ATXN2: variants seen among roughly 807,000 people sequenced by gnomAD.
ATXN2 encodes ataxin 2, also known as ataxin-2.
In ATXN2, 37 loss-of-function variants were observed where a neutral mutation model predicts 138.6. The observed-to-expected ratio is 0.27, with a 90% CI of 0.21 to 0.35. ATXN2 has a LOEUF of 0.35. Ranked by LOEUF, ATXN2 falls within the 10% of genes least tolerant of loss-of-function variation. The pLI, the probability that ATXN2 is intolerant of heterozygous loss-of-function variation, is 1.00. For synonymous variants in ATXN2, 549 were observed against 543.7 expected, an observed-to-expected ratio of 1.01 and a Z score of -0.13; for missense variants, 1,216 against 1,480.3, an observed-to-expected ratio of 0.82 and a Z score of 2.93.
chr12:111,568,602 T>C (rs924970557), intron 1 of ATXN2, among the ~76,000 whole-genome samples: 14 of 152,218 alleles, frequency 9.2e-5, no homozygotes, highest in Non-Finnish European at 1.5e-4. Context: ...AAGAATGCTC[T>C]TCCCTCCAGC....
chr12:111,460,686 CAATA>C (rs1259687790), intron 21 of ATXN2, among the ~76,000 whole-genome samples: 2 of 151,252 alleles, frequency 1.3e-5, no homozygotes, highest in Non-Finnish European at 2.9e-5. Flanking sequence ...TAAAAAGTAA[CAATA>C]AATATAGAAA....
chr12:111,563,989 A>G (rs1320130200), intron 1 of ATXN2, among the ~76,000 whole-genome samples: 2 of 152,188 alleles, frequency 1.3e-5, no homozygotes, highest in African/African-American at 4.8e-5. Flanking sequence ...GCTTCTGTGA[A>G]AATCAGAAAA....
intron 14 of ATXN2, among the ~76,000 whole-genome samples, chr12:111,494,411 C>G (rs1294996221): frequency 6.6e-6 from 1 of 151,230 alleles, no homozygotes; most frequent in Non-Finnish European, 1.5e-5. Context: ...TTATTTGCAA[C>G]CCTTATGTGA....
chr12:111,514,181 T>C (rs1488444329), intron 10 of ATXN2, among the ~76,000 whole-genome samples: 1 of 152,244 alleles, frequency 6.6e-6, no homozygotes, highest in East Asian at 1.9e-4. Context: ...TAGCAGGCTG[T>C]GAGCTGAAAA....
Position 111,485,794 on chromosome 12 carries a change from T to C in ATXN2, c.2376A>G (p.Gln792=), listed in dbSNP as rs1877596350. 6.2e-7 allele frequency: 1 copy of C among 1,614,088 alleles called. No individual in the cohort carries two copies. Among genetic ancestry groups the C allele is most frequent in the Non-Finnish European group, 8.5e-7 (1 of 1,180,036 alleles). Residue 792 remains glutamine (Q), a synonymous_variant, in exon 17 of 25, where the codon CAA becomes CAG. Transcript: ENST00000673436. ...AQPSPSMVGH[Q]QPTPVYTQPV... ...GCTGAGTATAAACTGGAGTTGGCTGTTGATGACCCACCATAGATGGGCTAG... is the reference window on the plus strand; with the variant it reads ...GCTGAGTATAAACTGGAGTTGGCTGCTGATGACCCACCATAGATGGGCTAG...
At chr12:111,486,656 A>G in intron 16 of ATXN2, 105 bp downstream of exon 16, 1 of 902,752 alleles carries the variant, frequency 1.1e-6, no homozygotes, top group South Asian at 1.5e-5. Flanking sequence ...AGGTTGGTTC[A>G]GCACACTAAA....
chr12:111,598,773 C>T lies in ATXN2; in HGVS notation c.251+11G>A. ...GCCCGGAGCGGAGGGGGCTGGGGTG[C>T]CGACACCCACCTGCCCAGGCCGGGC... On this transcript the variant is annotated intron_variant, in intron 1 of 24. Transcript: ENST00000673436. This position sits in a 1 kb window ranked among gnomAD's most constrained non-coding sequence, Gnocchi z 4.5. 3 of 1,297,638 alleles carry T rather than the reference C, an allele frequency of 2.3e-6. No homozygotes were observed. The highest frequency in any genetic ancestry group is 6.8e-5 in the East Asian group (2 of 29,594). The allele number at this position is 1,297,638 out of a possible 1,614,324, so 80.4% of individuals were successfully genotyped here.
intron 1 of ATXN2, among the ~76,000 whole-genome samples, chr12:111,592,829 A>G (rs931945788): frequency 2.7e-5 from 4 of 146,472 alleles, no homozygotes; most frequent in Non-Finnish European, 6.0e-5. Context: ...CTGTTAATAA[A>G]CTGTTTACAT....
In ATXN2 at chr12:111,486,824, C is replaced by T. The variant is rs762096343; in HGVS notation, c.2241G>A (p.Glu747=). Residue 747 remains glutamate (E), a splice_region_variant and synonymous_variant, in exon 16 of 25, where the codon GAG becomes GAA. Coordinates refer to ENST00000673436, the MANE Select transcript of ATXN2 (RefSeq NM_001372574.1). The stretch of plus-strand genomic sequence containing the variant: ...GATTCAATGTTGATTTCCTAACTTG[C>T]CTAAAAAAAATATAAAGGCCAGTGA... ...DDKEEKKDAA[E]QVRKSTLNPN... The T allele has an allele frequency of 1.1e-5, 18 of 1,610,494 alleles. No individual in the cohort carries two copies. The South Asian group carries it at 1.7e-4, about 15-fold the overall frequency.
intron 1 of ATXN2, among the ~76,000 whole-genome samples, chr12:111,571,007 G>A (rs1180328218): frequency 6.6e-6 from 1 of 152,190 alleles, no homozygotes; most frequent in Non-Finnish European, 1.5e-5. Flanking sequence ...AAAAGTTACT[G>A]AGCACTTATT....
At chr12:111,585,206 T>C (rs1274953320) in intron 1 of ATXN2, among the ~76,000 whole-genome samples, 2 of 152,066 alleles carry the variant, frequency 1.3e-5, no homozygotes, top group Non-Finnish European at 2.9e-5. Context: ...GATATACAGC[T>C]ATAAACTTAC....
intron 1 of ATXN2, among the ~76,000 whole-genome samples, chr12:111,559,693 A>G (rs1435585320): frequency 1.3e-5 from 2 of 151,282 alleles, no homozygotes; most frequent in African/African-American, 4.9e-5. Context: ...GAATCACTTG[A>G]ACCCGGGAAG....
intron 14 of ATXN2, among the ~76,000 whole-genome samples, chr12:111,495,299 ACT>A (rs1336664785): frequency 1.5e-5 from 2 of 137,444 alleles, no homozygotes; most frequent in African/African-American, 5.7e-5. Flanking sequence ...CAATAGCAAA[ACT>A]CTGTCTCAAA....
chr12:111,560,392 T>C (rs1397312690), intron 1 of ATXN2, among the ~76,000 whole-genome samples: 1 of 152,094 alleles, frequency 6.6e-6, no homozygotes, highest in Non-Finnish European at 1.5e-5. Flanking sequence ...AGAGCATCCA[T>C]AAATTTTTAT....
chr12:111,595,408 G>A (rs535519001), intron 1 of ATXN2, among the ~76,000 whole-genome samples: 12 of 151,858 alleles, frequency 7.9e-5, no homozygotes, highest in Non-Finnish European at 1.5e-4. Context: ...TTGGGAGGCC[G>A]AGGCGGGCGC....
At position 111,488,437 on chromosome 12, in the gene ATXN2, A is replaced by G. The variant is rs780646328; in HGVS notation, c.2240+39T>C. On this transcript the variant is annotated intron_variant, in intron 15 of 24. Coordinates refer to ENST00000673436, the MANE Select transcript of ATXN2 (RefSeq NM_001372574.1). The stretch of plus-strand genomic sequence containing the variant: ...AATGCCTTTAAAAAAAAAAAAGTTA[A>G]TTGAGTAACAGGATGGTCTAAGTTC... 1.9e-6 allele frequency: 3 copies of G among 1,557,752 alleles called. No homozygotes were observed. The South Asian group carries it at 3.7e-5, about 19-fold the overall frequency.
chr12:111,523,102 A>T (rs1267809936), intron 6 of ATXN2, among the ~76,000 whole-genome samples: 1 of 151,630 alleles, frequency 6.6e-6, no homozygotes, highest in Non-Finnish European at 1.5e-5. Flanking sequence ...AACATGGTGA[A>T]ACCCCTTCTC....
Position 111,515,236 on chromosome 12 carries a change from C to T in ATXN2, c.1375+918G>A, listed in dbSNP as rs562537500. 2.8e-3 allele frequency among the ~76,000 whole-genome samples: 432 copies of T among 152,156 alleles called. 4 individuals are homozygous for T. The highest frequency in any genetic ancestry group is 9.6e-3 in the African/African-American group (399 of 41,506). On this transcript the variant is annotated intron_variant, in intron 10 of 24. Transcript: ENST00000673436. The stretch of plus-strand genomic sequence containing the variant: ...GGAAGCAGGAGAAACACATTTTGTG[C>T]GGAAAACTTTATTAGTCCCAACATA...
At chr12:111,473,282 T>TAAAA (rs530808822) in intron 18 of ATXN2, among the ~76,000 whole-genome samples, 3 of 131,934 alleles carry the variant, frequency 2.3e-5, no homozygotes, top group African/African-American at 5.7e-5. Flanking sequence ...TCCAAAAAAT[T>TAAAA]AAAAAAAAAA....
Sources: gnomAD v4.1 joint callset for allele counts (sites outside exome capture counted in the v4.1 genomes callset) on GRCh38, gnomAD v4.1.1 for gene constraint, Gnocchi (gnomAD v3.1) non-coding constraint, MANE v1.5 for transcripts, NCBI Gene and HGNC (gene_info 2026-07-23, HGNC 2026-07-21) for gene names.